Variants in DMD observed in about 807,000 individuals in gnomAD.
The protein encoded by DMD is dystrophin.
In DMD, 63 loss-of-function variants were observed where a neutral mutation model predicts 330.1. The ratio of observed to expected loss-of-function variants is 0.19; its 90% CI spans 0.16 to 0.24. The LOEUF is 0.24. Ranked by LOEUF, DMD falls within the 10% of genes least tolerant of loss-of-function variation. The probability of loss-of-function intolerance (pLI) is 1.00; values close to 1 mark genes in which losing one functional copy is unlikely to be tolerated. For missense variants in DMD, 3,344 were observed against 2,684.1 expected, an observed-to-expected ratio of 1.25 and a Z score of -5.43; for synonymous variants, 1,223 against 959.8, an observed-to-expected ratio of 1.27 and a Z score of -5.07.
intron 59 of DMD, among the ~76,000 whole-genome samples, chrX:31,476,411 A>G (rs1445508212): frequency 1.0e-4 from 10 of 100,027 alleles, no homozygotes; most frequent in Non-Finnish European, 2.0e-5. Flanking sequence ...ATATATATAT[A>G]TATATATATA....
intron 42 of DMD, among the ~76,000 whole-genome samples, chrX:32,295,369 G>A (rs2097491371): frequency 8.9e-6 from 1 of 111,954 alleles, no homozygotes; most frequent in Non-Finnish European, 1.9e-5. Flanking sequence ...TTTACAACCG[G>A]CAGATGAAAT....
At position 33,010,040 on chromosome X, in the gene DMD, A is replaced by G. The variant is rs1458970766; in HGVS notation, c.93+10099T>C. Among the ~76,000 whole-genome samples, 3 of 69,246 alleles carry G rather than the reference A, an allele frequency of 4.3e-5. 1 individual carries two copies. Among genetic ancestry groups the G allele is most frequent in the Admixed American group, 1.6e-4 (1 of 6,175 alleles). 60.1% of individuals were successfully genotyped at this position (69,246 alleles called of 115,157 possible). A position where few individuals can be genotyped will look rare whatever the true frequency, so the allele number is the denominator to read the frequency against. Reference sequence around the variant, plus strand: ...CACATATGTGTGTACATGTGTATATACACATGTGTATATATACGTGTATAT... The same window carrying G: ...CACATATGTGTGTACATGTGTATATGCACATGTGTATATATACGTGTATAT... On this transcript the variant is annotated intron_variant, in intron 2 of 78. Coordinates refer to ENST00000357033, the MANE Select transcript of DMD (RefSeq NM_004006.3).
intron 2 of DMD, among the ~76,000 whole-genome samples, chrX:32,985,291 A>G (rs760260104): frequency 8.5e-4 from 95 of 112,015 alleles, no homozygotes; most frequent in Non-Finnish European, 1.5e-3. Context: ...TGAATCACAT[A>G]TGCACTATTA....
intron 44 of DMD, among the ~76,000 whole-genome samples, chrX:32,146,163 C>CT (rs2096777247): frequency 8.9e-6 from 1 of 111,842 alleles, no homozygotes; most frequent in Non-Finnish European, 1.9e-5. Context: ...GTGTTTACTG[C>CT]TTTTTTTATT....
At chrX:32,521,346 T>A (rs1343676522) in intron 17 of DMD, among the ~76,000 whole-genome samples, 1 of 111,632 alleles carries the variant, frequency 9.0e-6, no homozygotes, top group African/African-American at 3.3e-5. Flanking sequence ...CGTTTGTAAT[T>A]TTTCTTCCTT....
intron 54 of DMD, among the ~76,000 whole-genome samples, chrX:31,640,055 T>A (rs1206280928): frequency 8.9e-6 from 1 of 111,901 alleles, no homozygotes; most frequent in African/African-American, 3.2e-5. Flanking sequence ...TAAAAATTGC[T>A]CTCTTCTACA....
chrX:31,589,283 T>C (rs2076758872), intron 55 of DMD, among the ~76,000 whole-genome samples: 1 of 111,038 alleles, frequency 9.0e-6, no homozygotes, highest in African/African-American at 3.3e-5. Flanking sequence ...CCAACCCATC[T>C]CTTAGGTCTC....
chrX:31,741,175 ACTT>A (rs2087308436), intron 51 of DMD, among the ~76,000 whole-genome samples: 1 of 111,571 alleles, frequency 9.0e-6, no homozygotes, highest in Admixed American at 9.5e-5. Flanking sequence ...ATCTGCAGTG[ACTT>A]CTTCTACTGA....
At chrX:31,976,375 G>C (rs2095436086) in intron 44 of DMD, among the ~76,000 whole-genome samples, 1 of 111,126 alleles carries the variant, frequency 9.0e-6, no homozygotes, top group South Asian at 3.8e-4. Flanking sequence ...TATGATGTGA[G>C]TTTTGCTCCA....
At chrX:32,378,073 T>C (rs184026904) in intron 34 of DMD, among the ~76,000 whole-genome samples, 1 of 110,964 alleles carries the variant, frequency 9.0e-6, no homozygotes, top group Admixed American at 9.7e-5. Context: ...CCATTTATTT[T>C]CTTCTGGCAC....
chrX:31,649,835 A>T (rs967392777), intron 54 of DMD, among the ~76,000 whole-genome samples: 22 of 111,503 alleles, frequency 2.0e-4, no homozygotes, highest in Non-Finnish European at 3.4e-4. Flanking sequence ...TTTTTAACAT[A>T]CCAAATCCTC....
At chrX:31,227,584 C>T (rs758504062) in intron 63 of DMD, among the ~76,000 whole-genome samples, 1 of 111,178 alleles carries the variant, frequency 9.0e-6, no homozygotes, top group Non-Finnish European at 1.9e-5. Flanking sequence ...GCAATGCGGG[C>T]TCTTTTTTGG....
At chrX:32,085,639 CGT>C (rs1491524959) in intron 44 of DMD, among the ~76,000 whole-genome samples, 1 of 84,121 alleles carries the variant, frequency 1.2e-5, no homozygotes, top group East Asian at 3.9e-4. Context: ...CACATATATA[CGT>C]ATATATATGT....
intron 41 of DMD, among the ~76,000 whole-genome samples, chrX:32,328,955 T>C (rs2097665741): frequency 9.0e-6 from 1 of 111,664 alleles, no homozygotes; most frequent in South Asian, 3.7e-4. Context: ...GGCATTAGGA[T>C]ACCACTGACA....
intron 52 of DMD, among the ~76,000 whole-genome samples, chrX:31,709,105 C>G (rs953711368): frequency 5.4e-5 from 6 of 111,611 alleles, no homozygotes; most frequent in African/African-American, 2.0e-4. Context: ...AGTCCCATCT[C>G]TACTAAAAAT....
At chrX:32,998,174 A>T (rs2093174901) in intron 2 of DMD, among the ~76,000 whole-genome samples, 1 of 109,056 alleles carries the variant, frequency 9.2e-6, no homozygotes, top group African/African-American at 3.3e-5. Context: ...CAGCCTTGGC[A>T]ACATAGCAAG....
At chrX:31,190,746 C>G (rs1383370047) in intron 67 of DMD, among the ~76,000 whole-genome samples, 1 of 109,401 alleles carries the variant, frequency 9.1e-6, no homozygotes, top group Non-Finnish European at 1.9e-5. Context: ...ATCAGTAGCA[C>G]CAAGGTTGAG....
At chrX:32,392,240 G>A (rs898256160) in intron 30 of DMD, among the ~76,000 whole-genome samples, 2 of 110,988 alleles carry the variant, frequency 1.8e-5, no homozygotes, top group Admixed American at 9.6e-5. Flanking sequence ...AATGCGGTAT[G>A]GCTTTATTTA....
At chrX:31,173,214 T>G in intron 72 of DMD, among the ~76,000 whole-genome samples, 1 of 111,525 alleles carries the variant, frequency 9.0e-6, no homozygotes, top group South Asian at 3.7e-4. Flanking sequence ...TTTTCATATA[T>G]GAATGTCTGG....
Sources: allele counts gnomAD v4.1 joint callset (sites outside exome capture counted in the v4.1 genomes callset), GRCh38; gene constraint gnomAD v4.1.1; transcripts MANE v1.5; gene names NCBI Gene and HGNC (gene_info 2026-07-23, HGNC 2026-07-21).